LARGE2: variants seen among roughly 807,000 people sequenced by gnomAD.
LARGE2 encodes the protein xylosyl- and glucuronyltransferase LARGE2.
LARGE2 carries 63 observed loss-of-function variants against 75.3 expected under a neutral mutation model. That is an observed-to-expected ratio of 0.84 (90% CI 0.68 to 1.03). LARGE2 has a LOEUF of 1.03. Ranked by LOEUF, LARGE2 falls within the 50% of genes least tolerant of loss-of-function variation. LARGE2 has a pLI of 0.00. For synonymous variants in LARGE2, 428 were observed against 420.1 expected (o/e 1.02, Z -0.23); for missense variants, 925 against 980.6 (o/e 0.94, Z 0.76).
intron 6 of LARGE2, among the ~76,000 whole-genome samples, chr11:45,925,299 T>C (rs2087100488): frequency 6.6e-6 from 1 of 152,070 alleles, no homozygotes; most frequent in African/African-American, 2.4e-5. Flanking sequence ...GGTGGGAGAA[T>C]CGCTTGAGCC....
rs776126056 is a variant in LARGE2 at position 45,923,480 on chromosome 11, A to G, written c.293A>G (p.His98Arg). Residue 98 changes from histidine (H) to arginine (R), a missense_variant, in exon 3 of 14, where the codon CAT becomes CGT. Physicochemically the swap from His to Arg is conservative, Grantham distance 29 (BLOSUM62 0). This residue lies in a region of LARGE2 where 453 missense variants were observed against 460.2 expected (regional missense o/e 0.98). Transcript: ENST00000401752. ...PPPPPKCELL[H>R]VAIVCAGHNS... Reference sequence around the variant, plus strand: ...CTGGGCGTCCCTCCCCAGCTCTTGCATGTGGCCATCGTGTGTGCGGGGCAT... The same window carrying G: ...CTGGGCGTCCCTCCCCAGCTCTTGCGTGTGGCCATCGTGTGTGCGGGGCAT... 6.2e-7 allele frequency: 1 copy of G among 1,613,526 alleles called. No individual in the cohort carries two copies. Among genetic ancestry groups the G allele is most frequent in the South Asian group, 1.1e-5 (1 of 91,028 alleles).
chr11:45,924,919 G>C lies in LARGE2; in HGVS notation c.769+30G>C, dbSNP rs189478803. ...GGACAGTGGTGAGGGGAGGCAGGCG[G>C]GGTGGTCTGCTGGTCCTTGGGCCCC... is the stretch of plus-strand genomic sequence containing the variant. On this transcript the variant is annotated intron_variant, in intron 6 of 13. Transcript: ENST00000401752. 65 of 1,381,100 alleles carry C rather than the reference G, an allele frequency of 4.7e-5. No individual in the cohort carries two copies. The East Asian group carries it at 1.6e-3, about 33-fold the overall frequency. 85.6% of individuals were successfully genotyped at this position (1,381,100 alleles called of 1,614,324 possible).
At chr11:45,925,966 C>A in intron 6 of LARGE2, 73 bp from the exon 7 acceptor site, 1 of 1,283,540 alleles carries the variant, frequency 7.8e-7, no homozygotes, top group Non-Finnish European at 1.1e-6. Context: ...AAACAAAGGA[C>A]ACCTTCATGA....
At chr11:45,923,389 G>C in intron 2 of LARGE2, 84 bp from the exon 3 acceptor site, 1 of 1,387,762 alleles carries the variant, frequency 7.2e-7, no homozygotes. Flanking sequence ...TCCGGGCTCT[G>C]CTGCGGGGTG....
At chr11:45,922,296 C>T (rs1295788732), upstream of LARGE2, among the ~76,000 whole-genome samples, 1 of 152,174 alleles carries the variant, frequency 6.6e-6, no homozygotes, top group Non-Finnish European at 1.5e-5. Flanking sequence ...CCGGCCCCCT[C>T]CTCCTCCCTC....
upstream of LARGE2, among the ~76,000 whole-genome samples, chr11:45,922,333 T>G (rs1044983986): frequency 1.3e-5 from 2 of 151,988 alleles, no homozygotes; most frequent in African/African-American, 4.8e-5. Context: ...GTGTCTTTGA[T>G]CCCGGGCCCG....
chr11:45,926,111 G>C lies in LARGE2; in HGVS notation c.842G>C (p.Arg281Pro), dbSNP rs746162106. ...CAGATGTGGAGGCTGACAGCCAGGC[G>C]GGAGCTCCTTAGCCTGCCTGCCACC... ...WEQMWRLTAR[R>P]ELLSLPATSL... Residue 281 changes from arginine to proline, a missense_variant, in exon 7 of 14, where the codon CGG (arginine) becomes CCG (proline). Physicochemically the swap from Arg to Pro is moderately radical, Grantham distance 103. Around this residue, in one of 3 missense-constraint regions of LARGE2, gnomAD observed 453 missense variants for 460.2 expected, o/e 0.98. Transcript: ENST00000401752. 11 of 1,570,026 alleles carry C rather than the reference G, an allele frequency of 7.0e-6. No homozygotes were observed. The African/African-American group carries it at 1.4e-4, about 19-fold the overall frequency.
chr11:45,928,874 G>A lies in LARGE2; in HGVS notation c.*29G>A. 3.7e-6 allele frequency: 6 copies of A among 1,611,284 alleles called. No homozygotes were observed. Among genetic ancestry groups the A allele is most frequent in the Non-Finnish European group, 5.1e-6 (6 of 1,179,204 alleles). On this transcript the variant is annotated 3_prime_UTR_variant, in exon 14 of 14. Transcript: ENST00000401752. ...TGGGCCGGCGCTGCCCCTCATCTTA[G>A]CATTGGGCAGACACCAGGGCAACCT... is the stretch of plus-strand genomic sequence containing the variant.
At chr11:45,927,848 C>A in intron 11 of LARGE2, 72 bp from the exon 12 acceptor site, 2 of 1,599,968 alleles carry the variant, frequency 1.3e-6, no homozygotes, top group Non-Finnish European at 1.7e-6. Flanking sequence ...GTGGCTAATG[C>A]CCTGATGAGT....
rs1170397044 is a variant in LARGE2, at chr11:45,927,903, T to C, written c.1605-17T>C. 6.2e-7 allele frequency: 1 copy of C among 1,612,144 alleles called. No homozygotes were observed. The highest frequency in any genetic ancestry group is 8.5e-7 in the Non-Finnish European group (1 of 1,179,234). ...ATGCCCCGCTCTTCTCCCCTGCTCA[T>C]GGGTGCTCCTCCTCAGGGCCTCCAT... On this transcript the variant is annotated splice_polypyrimidine_tract_variant and intron_variant, in intron 11 of 13. Transcript: ENST00000401752.
At position 45,928,768 on chromosome 11, in the gene LARGE2, T is replaced by A. The variant is rs945498200; in HGVS notation, c.2089T>A (p.Leu697Met). Residue 697 changes from leucine (L) to methionine (M), a missense_variant, in exon 14 of 14, where the codon TTG becomes ATG. Leu to Met is a conservative substitution (Grantham distance 15). Coordinates refer to ENST00000401752, the MANE Select transcript of LARGE2 (RefSeq NM_001300721.2). ...QALKDEFHQD[L>M]SRHHGAAALK... is the part of the protein sequence containing the mutation. Reference sequence around the variant, plus strand: ...CCTCAAGGACGAATTCCACCAGGACTTGTCCCGCCACCATGGGGCTGCTGC... The same window carrying A: ...CCTCAAGGACGAATTCCACCAGGACATGTCCCGCCACCATGGGGCTGCTGC... 6.2e-7 allele frequency: 1 copy of A among 1,613,972 alleles called. No individual in the cohort carries two copies. Among genetic ancestry groups the A allele is most frequent in the Non-Finnish European group, 8.5e-7 (1 of 1,180,024 alleles).
In LARGE2 at chr11:45,928,031, G is replaced by A; in HGVS notation, c.1716G>A (p.Leu572=). 1.9e-6 allele frequency: 3 copies of A among 1,614,012 alleles called. No individual in the cohort carries two copies. Among genetic ancestry groups the A allele is most frequent in the Non-Finnish European group, 2.5e-6 (3 of 1,180,030 alleles). The change falls in exon 12 of 14, where the codon CTG becomes CTA. Residue 572 remains leucine (L), a synonymous_variant. Coordinates refer to ENST00000401752, the MANE Select transcript of LARGE2 (RefSeq NM_001300721.2). ...RFSFPHSKVE[L]LALLDAGTLY... ...GCTTCCCCCATTCCAAGGTGGAGCT[G>A]TTGGCCTTGCTGGATGCGGGCACTC...
chr11:45,922,113 G>A (rs1264007244), upstream of LARGE2, among the ~76,000 whole-genome samples: 2 of 152,106 alleles, frequency 1.3e-5, no homozygotes, highest in Non-Finnish European at 2.9e-5. Flanking sequence ...GCGGGAGGCG[G>A]CCTTCACAAG....
rs759647029 is a variant in LARGE2 at position 45,926,821 on chromosome 11, AC to A, written c.1282del (p.Arg428GlyfsTer30). ...TCACTTTCCTGCCCCATGAACCGCC[AC>A]CCCCCCGGCCTCACGATGTCACCCT... ...HVTFLPHEPP[P>X]PRPHDVTLVA... On this transcript the variant is annotated frameshift_variant, in exon 10 of 14. Transcript: ENST00000401752. LOFTEE classifies it high-confidence loss of function. The A allele has an allele frequency of 1.7e-5, 28 of 1,611,970 alleles. No homozygotes were observed. The highest frequency in any genetic ancestry group is 1.3e-5 in the African/African-American group (1 of 74,704).
chr11:45,925,752 G>C (rs2087115899), intron 6 of LARGE2, among the ~76,000 whole-genome samples: 1 of 152,110 alleles, frequency 6.6e-6, no homozygotes, highest in Admixed American at 6.5e-5. Context: ...TGGGGGTTGT[G>C]GTGGGGTGCT....
Position 45,923,107 on chromosome 11 carries a change from C to A in LARGE2, c.225C>A (p.Gly75=). The part of the protein sequence containing the change: ...AAALDGDPGA[G]PGDHNRSDCG... ...CCCTCGACGGAGACCCGGGGGCCGG[C>A]CCCGGGGACCACAACCGCTCCGACT... The change falls in exon 2 of 14, where the codon GGC becomes GGA. Residue 75 remains glycine (G), a synonymous_variant. Transcript: ENST00000401752. The A allele has an allele frequency of 2.2e-6, 3 of 1,393,268 alleles. No individual in the cohort carries two copies. The highest frequency in any genetic ancestry group is 6.2e-5 in the East Asian group (2 of 32,490). The allele number at this position is 1,393,268 out of a possible 1,614,324, so 86.3% of individuals were successfully genotyped here.
chr11:45,922,587 C>T (rs1165891481), upstream of LARGE2: 4 of 238,604 alleles, frequency 1.7e-5, no homozygotes, highest in South Asian at 1.8e-4. Flanking sequence ...GGGGGGGTCA[C>T]CCCGCCCCTT....
chr11:45,927,387 A>G lies in LARGE2; in HGVS notation c.1398A>G (p.Ala466=). The G allele has an allele frequency of 6.2e-7, 1 of 1,614,096 alleles. No individual in the cohort carries two copies. ...PMSLALYLTD[A]EAQQFLHFVE... is the part of the protein sequence containing the mutation. ...GCCTGGCCTTGTACCTGACAGACGCAGAAGCTCAGCAGTTCCTGCATTTCG... is the reference window on the plus strand; with the variant it reads ...GCCTGGCCTTGTACCTGACAGACGCGGAAGCTCAGCAGTTCCTGCATTTCG... The change falls in exon 11 of 14, where the codon GCA becomes GCG. Residue 466 remains alanine (A), a synonymous_variant. Transcript: ENST00000401752.
Position 45,924,856 on chromosome 11 carries a change from C to T in LARGE2, c.736C>T (p.Pro246Ser). 6.7e-7 allele frequency: 1 copy of T among 1,499,574 alleles called. No individual in the cohort carries two copies. The allele number at this position is 1,499,574 out of a possible 1,614,324, so 92.9% of individuals were successfully genotyped here. ...YLGNLWKNHR[P>S]WPALGRGFNT... Reference sequence around the variant, plus strand: ...GGGCAACCTCTGGAAGAACCACAGGCCCTGGCCTGCCTTGGGCCGGGGATT... The same window carrying T: ...GGGCAACCTCTGGAAGAACCACAGGTCCTGGCCTGCCTTGGGCCGGGGATT... The change falls in exon 6 of 14, where the codon CCC (proline) becomes TCC (serine). Residue 246 changes from proline (P) to serine (S), a missense_variant. Pro to Ser is a moderately conservative substitution (Grantham distance 74, BLOSUM62 -1). Coordinates refer to ENST00000401752, the MANE Select transcript of LARGE2 (RefSeq NM_001300721.2).
Sources: allele counts gnomAD v4.1 joint callset (sites outside exome capture counted in the v4.1 genomes callset), GRCh38; gene constraint gnomAD v4.1.1; regional missense constraint gnomAD v4.1.1; transcripts MANE v1.5; gene names NCBI Gene and HGNC (gene_info 2026-07-23, HGNC 2026-07-21).